PCDH9: variants seen among roughly 807,000 people sequenced by gnomAD.
PCDH9 encodes the protein protocadherin 9.
In PCDH9, 24 loss-of-function variants were observed where a neutral mutation model predicts 70.6. That is an observed-to-expected ratio of 0.34 (90% CI 0.25 to 0.48). The LOEUF is 0.48. Among genes scored for constraint, PCDH9 ranks in the 20% least tolerant of loss-of-function variants. PCDH9 has a pLI of 0.99. For synonymous variants in PCDH9, 562 were observed against 558.5 expected, an observed-to-expected ratio of 1.01 and a Z score of -0.09; for missense variants, 1,281 against 1,503.6, an observed-to-expected ratio of 0.85 and a Z score of 2.45.
intron 2 of PCDH9, among the ~76,000 whole-genome samples, chr13:66,922,120 T>C (rs760986137): frequency 4.0e-5 from 6 of 151,414 alleles, no homozygotes; most frequent in Non-Finnish European, 7.4e-5. Flanking sequence ...ATTATATTCA[T>C]GTATCAGAAA....
chr13:66,852,676 T>A (rs1210250692), intron 3 of PCDH9, among the ~76,000 whole-genome samples: 1 of 152,218 alleles, frequency 6.6e-6, no homozygotes, highest in South Asian at 2.1e-4. Flanking sequence ...AAATGCTGAT[T>A]GCATTTACTT....
At chr13:66,505,919 C>A (rs182217249) in intron 4 of PCDH9, among the ~76,000 whole-genome samples, 4 of 152,228 alleles carry the variant, frequency 2.6e-5, no homozygotes, top group Admixed American at 2.0e-4. Flanking sequence ...GTAGCTGGGA[C>A]TACAGGTGCA....
intron 3 of PCDH9, among the ~76,000 whole-genome samples, chr13:66,703,657 G>A (rs886360464): frequency 2.0e-5 from 3 of 152,100 alleles, no homozygotes; most frequent in Admixed American, 6.6e-5. Context: ...AATTTTGGGA[G>A]ATCAAGGTGT....
intron 3 of PCDH9, among the ~76,000 whole-genome samples, chr13:66,682,197 T>C (rs2078332452): frequency 6.6e-6 from 1 of 152,010 alleles, no homozygotes; most frequent in Non-Finnish European, 1.5e-5. Context: ...CTCTATGAAA[T>C]TTTAAGACCT....
chr13:66,826,431 C>T (rs952733200), intron 3 of PCDH9, among the ~76,000 whole-genome samples: 3 of 152,114 alleles, frequency 2.0e-5, no homozygotes, highest in Non-Finnish European at 4.4e-5. Flanking sequence ...TGAGGTCAGA[C>T]ATATCTGAGA....
intron 3 of PCDH9, among the ~76,000 whole-genome samples, chr13:66,717,505 A>ATATATATATG (rs2078886789): frequency 2.3e-5 from 3 of 132,648 alleles, no homozygotes; most frequent in Admixed American, 7.9e-5. Context: ...ATATATATAT[A>ATATATATATG]TATGTATATA....
Position 66,880,104 on chromosome 13 carries a change from C to T in PCDH9, c.3138+23400G>A, listed in dbSNP as rs374056726. On this transcript the variant is annotated intron_variant, in intron 3 of 4. Transcript: ENST00000377865. ...GCAAAGCACTCAACTCAATGCATAG[C>T]TGCAGTGAATAGAACAAACAAGAGG... is the stretch of plus-strand genomic sequence containing the variant. The T allele has an allele frequency of 3.3e-5, 5 of 152,252 alleles. No homozygotes were observed. The East Asian group carries it at 7.7e-4, about 24-fold the overall frequency. 9.4% of individuals were successfully genotyped at this position (152,252 alleles called of 1,614,324 possible). A position where few individuals can be genotyped will look rare whatever the true frequency, so the allele number is the denominator to read the frequency against.
rs57782546 is a variant in PCDH9, at chr13:66,594,468, G to GTTTAT, written c.3340+36737_3340+36741dup. 6.8e-3 allele frequency among the ~76,000 whole-genome samples: 943 copies of GTTTAT among 139,664 alleles called. 8 individuals carry two copies. The highest frequency in any genetic ancestry group is 0.022 in the African/African-American group (851 of 38,176). The allele number at this position is 139,664 out of a possible 152,430, so 91.6% of individuals were successfully genotyped here. On this transcript the variant is annotated intron_variant, in intron 4 of 4. Transcript: ENST00000377865. ...TTAAGGTAACATCAGGTTACTTTTT[G>GTTTAT]TTTATTTTATTTTATTTTATTTTAT...
chr13:66,508,500 C>T, intron 4 of PCDH9, among the ~76,000 whole-genome samples: 1 of 152,120 alleles, frequency 6.6e-6, no homozygotes, highest in Admixed American at 6.5e-5. Context: ...TCTTGTGTTG[C>T]TCACTAGTAA....
intron 2 of PCDH9, among the ~76,000 whole-genome samples, chr13:66,981,837 G>A (rs924066601): frequency 2.0e-5 from 3 of 151,964 alleles, no homozygotes; most frequent in Non-Finnish European, 2.9e-5. Flanking sequence ...GAAAATTAAC[G>A]TATCCCTAAA....
chr13:66,504,485 C>T (rs1380275750), intron 4 of PCDH9, among the ~76,000 whole-genome samples: 4 of 151,984 alleles, frequency 2.6e-5, no homozygotes, highest in Non-Finnish European at 5.9e-5. Flanking sequence ...AAGAGTAAGC[C>T]CAGGTAAGAC....
At chr13:67,212,314 G>C (rs1593628751) in intron 2 of PCDH9, 1 of 151,814 alleles carries the variant, frequency 6.6e-6, no homozygotes, top group East Asian at 1.9e-4. Flanking sequence ...ATATATTTCA[G>C]GGAAATGATG....
chr13:67,189,592 A>G (rs1593591584), intron 2 of PCDH9, among the ~76,000 whole-genome samples: 1 of 152,112 alleles, frequency 6.6e-6, no homozygotes. Context: ...GCCTGATAAA[A>G]TTTCTTTCTA....
At chr13:66,628,517 AG>A (rs1299853351) in intron 4 of PCDH9, among the ~76,000 whole-genome samples, 4 of 152,188 alleles carry the variant, frequency 2.6e-5, no homozygotes, top group African/African-American at 9.7e-5. Flanking sequence ...CCCACACTTG[AG>A]GAAAAGGTGG....
At chr13:66,793,019 T>C (rs994239492) in intron 3 of PCDH9, among the ~76,000 whole-genome samples, 2 of 152,098 alleles carry the variant, frequency 1.3e-5, no homozygotes, top group East Asian at 3.9e-4. Flanking sequence ...TACATCATGG[T>C]AAGATTCTTT....
intron 3 of PCDH9, among the ~76,000 whole-genome samples, chr13:66,642,762 G>C (rs9540847): frequency 0.95 from 143,696 of 151,898 alleles, 68,496 homozygotes; most frequent in East Asian, 1. Context: ...TTATATTTGA[G>C]GAATTCCAAT....
At position 66,531,644 on chromosome 13, in the gene PCDH9, A is replaced by G. The variant is rs117816303; in HGVS notation, c.3340+99566T>C. Reference sequence around the variant, plus strand: ...TGATTATGCTTTGAACTACGCTTTAAATTGTTTGGGGTGGTCCATTCTCTA... The same window carrying G: ...TGATTATGCTTTGAACTACGCTTTAGATTGTTTGGGGTGGTCCATTCTCTA... On this transcript the variant is annotated intron_variant, in intron 4 of 4. Coordinates refer to ENST00000377865, the MANE Select transcript of PCDH9 (RefSeq NM_203487.3). 7.0e-3 allele frequency among the ~76,000 whole-genome samples: 1,060 copies of G among 152,254 alleles called. 7 individuals carry two copies. The highest frequency in any genetic ancestry group is 0.01 in the Non-Finnish European group (697 of 68,016).
At chr13:66,936,184 T>C (rs767918383) in intron 2 of PCDH9, among the ~76,000 whole-genome samples, 3 of 152,242 alleles carry the variant, frequency 2.0e-5, no homozygotes, top group Non-Finnish European at 4.4e-5. Context: ...AAATATCTTA[T>C]GCATGTTATG....
intron 2 of PCDH9, among the ~76,000 whole-genome samples, chr13:67,182,628 T>A (rs1174769411): frequency 6.6e-6 from 1 of 152,186 alleles, no homozygotes; most frequent in Non-Finnish European, 1.5e-5. Context: ...TAGGATGCAA[T>A]ATAAATCTTT....
Sources: allele counts gnomAD v4.1 joint callset (sites outside exome capture counted in the v4.1 genomes callset), GRCh38; gene constraint gnomAD v4.1.1; transcripts MANE v1.5; gene names NCBI Gene and HGNC (gene_info 2026-07-23, HGNC 2026-07-21).